The following ASXL1 variants were observed in gnomAD, a reference collection of about 807,000 sequenced individuals.
ASXL1 encodes the protein polycomb group protein ASXL1.
A neutral mutation model predicts 89.1 loss-of-function variants in ASXL1; 65 were observed. The ratio of observed to expected loss-of-function variants is 0.73; its 90% CI spans 0.60 to 0.90. The LOEUF is 0.90. ASXL1 is among the 40% of genes least tolerant of loss of function. ASXL1 has a pLI of 0.00. For synonymous variants in ASXL1, 739 were observed against 746.9 expected (o/e 0.99, Z 0.17); for missense variants, 1,786 against 1,942.9 (o/e 0.92, Z 1.52).
At chr20:32,393,376 T>C (rs892436595) in intron 4 of ASXL1, among the ~76,000 whole-genome samples, 2 of 152,238 alleles carry the variant, frequency 1.3e-5, no homozygotes, top group Admixed American at 1.3e-4. Flanking sequence ...AAAGTGGTTT[T>C]TTTTCCCAGG....
chr20:32,428,550 G>C (rs1358356777), intron 6 of ASXL1, 128 bp downstream of exon 6: 1 of 843,448 alleles, frequency 1.2e-6, no homozygotes, highest in Non-Finnish European at 1.9e-6. Flanking sequence ...GTCTCCAGCT[G>C]TTAGTAGCAT....
At position 32,436,155 on chromosome 20, in the gene ASXL1, G is replaced by T. The variant is rs555465153; in HGVS notation, c.3443G>T (p.Arg1148Leu). ...LTKDQSHGSL[R>L]MGSLHGLGKN... is the part of the protein sequence containing the mutation. ...AAAGACCAGAGCCATGGCTCGCTAC[G>T]CATGGGATCTTTACATGGTCTTGGA... The change falls in exon 13 of 13, where the codon CGC (arginine) becomes CTC (leucine). Residue 1148 changes from arginine (R) to leucine (L), a missense_variant. Physicochemically the swap from Arg to Leu is moderately radical, Grantham distance 102. Coordinates refer to ENST00000375687, the MANE Select transcript of ASXL1 (RefSeq NM_015338.6). The T allele has an allele frequency of 1.9e-6, 3 of 1,614,074 alleles. No homozygotes were observed. The African/African-American group carries it at 4.0e-5, about 22-fold the overall frequency.
Position 32,431,426 on chromosome 20 carries a change from C to T in ASXL1, c.824C>T (p.Ala275Val). Residue 275 changes from alanine to valine, a missense_variant, in exon 9 of 13, where the codon GCC (alanine) becomes GTC (valine). Physicochemically the swap from Ala to Val is moderately conservative, Grantham distance 64 (BLOSUM62 0). Coordinates refer to ENST00000375687, the MANE Select transcript of ASXL1 (RefSeq NM_015338.6). ...RALINSRTFH[A>V]LPSHFQQQLL... ...CTGATCAACTCTCGGACCTTCCATGCCTTACCATCACACTTCCAGCAGCAG... is the reference window on the plus strand; with the variant it reads ...CTGATCAACTCTCGGACCTTCCATGTCTTACCATCACACTTCCAGCAGCAG... 6.2e-7 allele frequency: 1 copy of T among 1,614,186 alleles called. No homozygotes were observed. Among genetic ancestry groups the T allele is most frequent in the Non-Finnish European group, 8.5e-7 (1 of 1,180,024 alleles).
rs547300103 is a variant in ASXL1, at chr20:32,389,727, A to G, written c.252+20604A>G. Among the ~76,000 whole-genome samples the G allele has an allele frequency of 2.6e-4, 39 of 152,238 alleles. No homozygotes were observed. In the South Asian group the frequency reaches 8.1e-3, roughly 32 times the overall value. ...CAGCCTCACAAGTAGTTGGGATTAC[A>G]GGTGCCTGCCAGGCTAATTTTGTAG... is the stretch of plus-strand genomic sequence containing the variant. On this transcript the variant is annotated intron_variant, in intron 4 of 12. Coordinates refer to ENST00000375687, the MANE Select transcript of ASXL1 (RefSeq NM_015338.6).
At chr20:32,380,493 T>C (rs973402038) in intron 4 of ASXL1, among the ~76,000 whole-genome samples, 4 of 152,206 alleles carry the variant, frequency 2.6e-5, no homozygotes, top group African/African-American at 9.7e-5. Context: ...GTCTTACGCC[T>C]GTAATCCCAG....
intron 4 of ASXL1, among the ~76,000 whole-genome samples, chr20:32,373,304 G>A (rs2122864363): frequency 6.6e-6 from 1 of 152,134 alleles, no homozygotes; most frequent in South Asian, 2.1e-4. Context: ...TTTAACCCGG[G>A]AGATGGAGGT....
chr20:32,369,245 A>G, intron 4 of ASXL1, 122 bp downstream of exon 4: 1 of 936,664 alleles, frequency 1.1e-6, no homozygotes. Flanking sequence ...GTCAGGTGAC[A>G]CTGATGTTTT....
At chr20:32,359,184 A>AC (rs1231915416) in intron 1 of ASXL1, 27 of 690,898 alleles carry the variant, frequency 3.9e-5, no homozygotes, top group Admixed American at 6.1e-5. Context: ...TCGTTCATTC[A>AC]CCCGGGGGAG....
chr20:32,379,619 A>C (rs1035821487), intron 4 of ASXL1, among the ~76,000 whole-genome samples: 1 of 151,212 alleles, frequency 6.6e-6, no homozygotes, highest in Admixed American at 6.6e-5. Context: ...TGAGGTCAGG[A>C]GTTTGAGACC....
At chr20:32,409,454 A>C (rs2049008573) in intron 4 of ASXL1, among the ~76,000 whole-genome samples, 1 of 152,244 alleles carries the variant, frequency 6.6e-6, no homozygotes, top group Admixed American at 6.5e-5. Context: ...CATGTACTAA[A>C]GTGCAGACAT....
intron 4 of ASXL1, among the ~76,000 whole-genome samples, chr20:32,414,305 TTTTC>T (rs1458287906): frequency 6.6e-5 from 10 of 151,944 alleles, no homozygotes; most frequent in South Asian, 2.1e-4. Flanking sequence ...TGGAGCTTCT[TTTTC>T]TTTTTTTTTT....
At chr20:32,404,715 C>A (rs2048926736) in intron 4 of ASXL1, among the ~76,000 whole-genome samples, 1 of 152,086 alleles carries the variant, frequency 6.6e-6, no homozygotes, top group South Asian at 2.1e-4. Context: ...TGCCTTATTC[C>A]CGCTTTCAGA....
In ASXL1 at chr20:32,437,723, T is replaced by C; in HGVS notation, c.*385T>C. ...TACCTGAACTAAGTAGAAATGCCAGTCTTCCACTACCCCCTCCCTGCCATC... is the reference window on the plus strand; with the variant it reads ...TACCTGAACTAAGTAGAAATGCCAGCCTTCCACTACCCCCTCCCTGCCATC... On this transcript the variant is annotated 3_prime_UTR_variant, in exon 13 of 13. Coordinates refer to ENST00000375687, the MANE Select transcript of ASXL1 (RefSeq NM_015338.6). The C allele has an allele frequency of 3.2e-6, 1 of 316,490 alleles. No homozygotes were observed. Among genetic ancestry groups the C allele is most frequent in the Non-Finnish European group, 5.9e-6 (1 of 169,412 alleles). 19.6% of individuals were successfully genotyped at this position (316,490 alleles called of 1,614,324 possible).
In ASXL1 at chr20:32,435,182, G is replaced by C. The variant is rs532964069; in HGVS notation, c.2470G>C (p.Glu824Gln). Residue 824 changes from glutamate (E) to glutamine (Q), a missense_variant, in exon 13 of 13, where the codon GAG becomes CAG. Glu to Gln is a conservative substitution (Grantham distance 29, BLOSUM62 2). This residue lies in a region of ASXL1 where 1,418 missense variants were observed against 1,427.8 expected (regional missense o/e 0.99). Transcript: ENST00000375687. Reference protein sequence around the residue: ...IPSLVGDDTLEKGTGQALDSH... With the variant: ...IPSLVGDDTLQKGTGQALDSH... ...GTCTCTAGTGGGAGATGATACATTA[G>C]AGAAAGGAACTGGCCAAGCTCTTGA... is the stretch of plus-strand genomic sequence containing the variant. 6 of 1,613,910 alleles carry C rather than the reference G, an allele frequency of 3.7e-6. No homozygotes were observed. The African/African-American group carries it at 8.0e-5, about 22-fold the overall frequency.
chr20:32,418,809 CTTTTTTTTTTTTTTTTTTTTTTTTTT>C lies in ASXL1; in HGVS notation c.253-9303_253-9278del, dbSNP rs71338437. On this transcript the variant is annotated intron_variant, in intron 4 of 12. Transcript: ENST00000375687. ...AAATCAAAATGGGAAGAATTGACATCTTTTTTTTTTTTTTTTTTTTTTTTTTTTTTTTTTTTTTTTTGAGACGGAGT... is the reference window on the plus strand; with the variant it reads ...AAATCAAAATGGGAAGAATTGACATCTTTTTTTTTTTTTTTGAGACGGAGT... Among the ~76,000 whole-genome samples the C allele has an allele frequency of 3.4e-4, 19 of 55,748 alleles. 1 individual carries two copies. The highest frequency in any genetic ancestry group is 6.7e-4 in the African/African-American group (10 of 14,850). 36.6% of individuals were successfully genotyped at this position (55,748 alleles called of 152,430 possible). A position where few individuals can be genotyped will look rare whatever the true frequency, so the allele number is the denominator to read the frequency against.
chr20:32,430,244 C>A, intron 8 of ASXL1, 191 bp downstream of exon 8: 1 of 766,710 alleles, frequency 1.3e-6, no homozygotes, highest in Non-Finnish European at 2.0e-6. Flanking sequence ...TGTGAGAACT[C>A]CTTTCAGGCA....
chr20:32,384,862 T>C (rs967662365), intron 4 of ASXL1, among the ~76,000 whole-genome samples: 16 of 152,158 alleles, frequency 1.1e-4, no homozygotes, highest in Admixed American at 6.6e-5. Flanking sequence ...GTATTTTTTT[T>C]TGGAACAAGA....
At chr20:32,359,048 C>T (rs1292530943) in intron 1 of ASXL1, 4 of 611,260 alleles carry the variant, frequency 6.5e-6, no homozygotes, top group Non-Finnish European at 1.1e-5. Context: ...CTCGCGCCCC[C>T]CCCGCCCCGC....
chr20:32,370,001 G>A (rs1212652301), intron 4 of ASXL1, among the ~76,000 whole-genome samples: 1 of 152,116 alleles, frequency 6.6e-6, no homozygotes, highest in East Asian at 1.9e-4. Context: ...TTACAGGCGT[G>A]AGCCACTGCA....
Sources: allele counts gnomAD v4.1 joint callset (sites outside exome capture counted in the v4.1 genomes callset), GRCh38; gene constraint gnomAD v4.1.1; regional missense constraint gnomAD v4.1.1; transcripts MANE v1.5; gene names NCBI Gene and HGNC (gene_info 2026-07-23, HGNC 2026-07-21).